The following ADAMTSL1 variants were observed in gnomAD, a reference collection of about 807,000 sequenced individuals.
The protein encoded by ADAMTSL1 is ADAMTS-like protein 1.
ADAMTSL1 carries 126 observed loss-of-function variants against 201.8 expected under a neutral mutation model. The observed-to-expected ratio is 0.62, with a 90% CI of 0.54 to 0.72. The LOEUF is 0.72. Among genes scored for constraint, ADAMTSL1 ranks in the 30% least tolerant of loss-of-function variants. ADAMTSL1 has a pLI of 0.00. For missense variants in ADAMTSL1, 2,679 were observed against 2,277.8 expected, an observed-to-expected ratio of 1.18 and a Z score of -3.59; for synonymous variants, 1,121 against 903.4, an observed-to-expected ratio of 1.24 and a Z score of -4.32.
chr9:18,056,524 C>T (rs565566252), intron 1 of ADAMTSL1, among the ~76,000 whole-genome samples: 4 of 152,066 alleles, frequency 2.6e-5, no homozygotes, highest in East Asian at 3.9e-4. Flanking sequence ...TTGCTCATCT[C>T]GGTATAAACA....
chr9:18,727,531 G>A (rs112304848), intron 15 of ADAMTSL1, among the ~76,000 whole-genome samples: 1 of 152,198 alleles, frequency 6.6e-6, no homozygotes, highest in Non-Finnish European at 1.5e-5. Flanking sequence ...TTCCTTAATG[G>A]TTGGGCCTGA....
intron 2 of ADAMTSL1, among the ~76,000 whole-genome samples, chr9:18,410,843 C>CTT (rs1371481573): frequency 1.8e-5 from 2 of 110,662 alleles, no homozygotes; most frequent in South Asian, 3.5e-4. Flanking sequence ...CTGTCTTCTT[C>CTT]TTCTTTTTTT....
rs565658408 is a variant in ADAMTSL1 at position 18,042,658 on chromosome 9, C to A, written c.88-121204C>A. On this transcript the variant is annotated intron_variant, in intron 1 of 29. Transcript: ENST00000680146. ...TAACCCAAATGATTCACTGTTACAGCCCTTATTTGGTGTGTGTTTCTTTCT... is the reference window on the plus strand; with the variant it reads ...TAACCCAAATGATTCACTGTTACAGACCTTATTTGGTGTGTGTTTCTTTCT... Among the ~76,000 whole-genome samples the A allele has an allele frequency of 2.0e-5, 3 of 152,222 alleles. No individual in the cohort carries two copies. The South Asian group carries it at 6.2e-4, about 32-fold the overall frequency.
At chr9:18,192,515 C>A (rs188070197) in intron 2 of ADAMTSL1, among the ~76,000 whole-genome samples, 113 of 152,194 alleles carry the variant, frequency 7.4e-4, no homozygotes, top group Non-Finnish European at 1.0e-3. Flanking sequence ...CTGAACCTTT[C>A]CATGATTTAA....
intron 2 of ADAMTSL1, among the ~76,000 whole-genome samples, chr9:18,432,625 C>A (rs1819546437): frequency 6.6e-6 from 1 of 152,070 alleles, no homozygotes; most frequent in South Asian, 2.1e-4. Flanking sequence ...TAGATTGAAC[C>A]AATAAAACCC....
intron 7 of ADAMTSL1, among the ~76,000 whole-genome samples, chr9:18,656,540 A>G (rs1302738584): frequency 6.6e-6 from 1 of 150,704 alleles, no homozygotes; most frequent in African/African-American, 2.4e-5. Flanking sequence ...GAGGCAGAAG[A>G]ATGGTGTGAA....
At chr9:18,221,872 T>A (rs998462386) in intron 2 of ADAMTSL1, among the ~76,000 whole-genome samples, 2 of 152,086 alleles carry the variant, frequency 1.3e-5, no homozygotes, top group Non-Finnish European at 2.9e-5. Context: ...TTTTGATTTA[T>A]CAGTTTGTCA....
At chr9:18,284,796 T>C (rs1832930492) in intron 2 of ADAMTSL1, among the ~76,000 whole-genome samples, 2 of 152,246 alleles carry the variant, frequency 1.3e-5, no homozygotes, top group Admixed American at 6.5e-5. Context: ...GAAAGCAGCA[T>C]ATTATATATT....
At chr9:18,861,135 G>A (rs916696970) in intron 23 of ADAMTSL1, among the ~76,000 whole-genome samples, 11 of 149,472 alleles carry the variant, frequency 7.4e-5, no homozygotes, top group South Asian at 2.1e-4. Flanking sequence ...CATATCCCTC[G>A]TTATACAGAG....
At chr9:18,403,217 C>A (rs866747106) in intron 2 of ADAMTSL1, among the ~76,000 whole-genome samples, 1 of 151,482 alleles carries the variant, frequency 6.6e-6, no homozygotes, top group South Asian at 2.1e-4. Flanking sequence ...GGAGTCTTGC[C>A]CTGTTGCCCA....
intron 23 of ADAMTSL1, among the ~76,000 whole-genome samples, chr9:18,838,796 G>T (rs1422196350): frequency 6.6e-6 from 1 of 151,336 alleles, no homozygotes; most frequent in African/African-American, 2.4e-5. Context: ...GAGGGAGGCT[G>T]CAAGTGAGCT....
chr9:18,250,547 C>G (rs956297773), intron 2 of ADAMTSL1, among the ~76,000 whole-genome samples: 2 of 152,174 alleles, frequency 1.3e-5, no homozygotes, highest in African/African-American at 2.4e-5. Flanking sequence ...TAGACACTAC[C>G]TTCTGAGCCC....
At chr9:17,976,349 T>C (rs1001717089) in intron 1 of ADAMTSL1, among the ~76,000 whole-genome samples, 1 of 152,066 alleles carries the variant, frequency 6.6e-6, no homozygotes, top group Non-Finnish European at 1.5e-5. Context: ...AGTCTTCCAA[T>C]TCGTGAACAT....
chr9:18,661,817 G>T, intron 8 of ADAMTSL1, 118 bp from the exon 9 acceptor site: 1 of 1,100,106 alleles, frequency 9.1e-7, no homozygotes. Flanking sequence ...CTTTTTTCCT[G>T]GAAATGACTA....
intron 2 of ADAMTSL1, among the ~76,000 whole-genome samples, chr9:18,335,817 C>T (rs1356922027): frequency 6.6e-6 from 1 of 152,060 alleles, no homozygotes; most frequent in Non-Finnish European, 1.5e-5. Context: ...TTTAAACTTT[C>T]ATAGAATAAC....
chr9:18,700,799 G>A (rs1831879464), intron 13 of ADAMTSL1, among the ~76,000 whole-genome samples: 2 of 152,060 alleles, frequency 1.3e-5, no homozygotes, highest in Admixed American at 1.3e-4. Context: ...AGATCCCTCT[G>A]TGGCCACTTG....
intron 2 of ADAMTSL1, among the ~76,000 whole-genome samples, chr9:18,289,084 AC>A (rs1488288221): frequency 3.7e-4 from 57 of 152,296 alleles, no homozygotes; most frequent in South Asian, 8.3e-4. Context: ...AAGAAATAGA[AC>A]CAAAAAGATA....
At chr9:18,756,092 TATATATATATATA>T (rs1819739492) in intron 16 of ADAMTSL1, among the ~76,000 whole-genome samples, 2 of 52,688 alleles carry the variant, frequency 3.8e-5, no homozygotes, top group African/African-American at 2.7e-4. Flanking sequence ...TATATATATA[TATATATATATATA>T]TATATATATA....
At chr9:18,512,060 G>C (rs76417928) in intron 2 of ADAMTSL1, among the ~76,000 whole-genome samples, 1,617 of 152,234 alleles carry the variant, frequency 0.011, 32 homozygotes, top group African/African-American at 0.037. Flanking sequence ...TTCAGAGTGG[G>C]TATGACTACT....
Sources: allele counts gnomAD v4.1 joint callset (sites outside exome capture counted in the v4.1 genomes callset), GRCh38; gene constraint gnomAD v4.1.1; transcripts MANE v1.5; gene names NCBI Gene and HGNC (gene_info 2026-07-23, HGNC 2026-07-21).